ELAVL4: variants seen among roughly 807,000 people sequenced by gnomAD.
ELAVL4 encodes ELAV like RNA binding protein 4, also known as ELAV-like protein 4.
ELAVL4 carries 1 observed loss-of-function variant against 35.6 expected under a neutral mutation model. That is an observed-to-expected ratio of 0.03 (90% CI 0.01 to 0.13). The LOEUF (loss-of-function observed/expected upper bound fraction) is 0.13, where lower values mean the gene tolerates loss of function less well. Among genes scored for constraint, ELAVL4 ranks in the 10% least tolerant of loss-of-function variants. The probability of loss-of-function intolerance (pLI) is 1.00; values close to 1 mark genes in which losing one functional copy is unlikely to be tolerated. For missense variants in ELAVL4, 267 were observed against 464.9 expected, an observed-to-expected ratio of 0.57 and a Z score of 3.91; for synonymous variants, 156 against 171.0, an observed-to-expected ratio of 0.91 and a Z score of 0.69.
chr1:50,082,075 A>G (rs1572145208), intron 1 of ELAVL4, among the ~76,000 whole-genome samples: 1 of 151,618 alleles, frequency 6.6e-6, no homozygotes, highest in Admixed American at 6.6e-5. Flanking sequence ...TATCCAGTCT[A>G]TCATTGATGG....
chr1:50,074,753 G>A (rs749110759), intron 1 of ELAVL4, among the ~76,000 whole-genome samples: 4 of 152,180 alleles, frequency 2.6e-5, no homozygotes, highest in African/African-American at 9.7e-5. Context: ...AGGAAGGCAG[G>A]GGACAGTGGA....
At chr1:50,161,075 CG>C (rs2148757714) in intron 2 of ELAVL4, among the ~76,000 whole-genome samples, 1 of 152,246 alleles carries the variant, frequency 6.6e-6, no homozygotes, top group African/African-American at 2.4e-5. Flanking sequence ...GCTAAACCCT[CG>C]TGGTTAACAT....
chr1:50,082,282 T>G lies in ELAVL4; in HGVS notation c.18+34100T>G, dbSNP rs1665042646. 3.9e-5 allele frequency among the ~76,000 whole-genome samples: 6 copies of G among 152,202 alleles called. No homozygotes were observed. The South Asian group carries it at 1.2e-3, about 31-fold the overall frequency. ...TGTCTTCCACAGTGGTTGAACTAAT[T>G]TACACTCCTACCATCAGTGTAAAAG... On this transcript the variant is annotated intron_variant, in intron 1 of 6. Coordinates refer to the ELAVL4 transcript ENST00000448907.
At chr1:50,096,427 A>T (rs1202085194) in intron 1 of ELAVL4, among the ~76,000 whole-genome samples, 1 of 149,632 alleles carries the variant, frequency 6.7e-6, no homozygotes, top group Non-Finnish European at 1.5e-5. Flanking sequence ...AGGCATAAAG[A>T]CAAGTGTTGT....
At chr1:50,133,651 G>GAAAGAAAGAGAAAGAA (rs1386510703) in intron 1 of ELAVL4, among the ~76,000 whole-genome samples, 5 of 91,882 alleles carry the variant, frequency 5.4e-5, no homozygotes, top group African/African-American at 1.8e-4. Flanking sequence ...AAGAAAGAAA[G>GAAAGAAAGAGAAAGAA]AGAAAGAAAG....
intron 1 of ELAVL4, chr1:50,109,794 G>A (rs1220055308): frequency 1.1e-6 from 1 of 890,010 alleles, no homozygotes; most frequent in Non-Finnish European, 1.8e-6. Flanking sequence ...AAGAGGAGGC[G>A]GCTTGTATGT....
chr1:50,126,411 AAGTTAG>A (rs1434513134), intron 1 of ELAVL4, among the ~76,000 whole-genome samples: 1 of 152,020 alleles, frequency 6.6e-6, no homozygotes, highest in Non-Finnish European at 1.5e-5. Context: ...TTCTAGTAAT[AAGTTAG>A]AGTATTTACT....
intron 3 of ELAVL4, among the ~76,000 whole-genome samples, chr1:50,193,321 G>A (rs1265883148): frequency 1.3e-5 from 2 of 151,594 alleles, no homozygotes; most frequent in Non-Finnish European, 2.9e-5. Flanking sequence ...GATGGGGGTA[G>A]GGAGGGTGGC....
At chr1:50,173,279 TTG>T (rs1679368803) in intron 2 of ELAVL4, among the ~76,000 whole-genome samples, 1 of 152,182 alleles carries the variant, frequency 6.6e-6, no homozygotes, top group African/African-American at 2.4e-5. Context: ...CATTGTGTAT[TTG>T]TGTGTGTGCC....
At chr1:50,200,505 T>A (rs1441139764) in intron 6 of ELAVL4, among the ~76,000 whole-genome samples, 1 of 135,890 alleles carries the variant, frequency 7.4e-6, no homozygotes, top group African/African-American at 2.7e-5. Flanking sequence ...ATTGTTGGGG[T>A]GGGGTGGAGT....
At chr1:50,167,368 G>A (rs915785058) in intron 2 of ELAVL4, among the ~76,000 whole-genome samples, 3 of 152,182 alleles carry the variant, frequency 2.0e-5, no homozygotes, top group African/African-American at 7.2e-5. Flanking sequence ...TGGTGGATAA[G>A]GCATTCCGTG....
chr1:50,160,312 G>A (rs1401505590), intron 2 of ELAVL4, among the ~76,000 whole-genome samples: 1 of 152,118 alleles, frequency 6.6e-6, no homozygotes, highest in Non-Finnish European at 1.5e-5. Context: ...CTACCCTAAA[G>A]ACCTATTTCT....
At chr1:50,186,815 C>A (rs1253743145) in intron 3 of ELAVL4, among the ~76,000 whole-genome samples, 3 of 140,758 alleles carry the variant, frequency 2.1e-5, no homozygotes, top group African/African-American at 2.6e-5. Flanking sequence ...TCATTAGAAC[C>A]ATTTCCATGA....
At chr1:50,163,226 C>T (rs967162077) in intron 2 of ELAVL4, among the ~76,000 whole-genome samples, 4 of 152,164 alleles carry the variant, frequency 2.6e-5, no homozygotes, top group Non-Finnish European at 1.5e-5. Context: ...ATATCACATC[C>T]TCCAGAAAGC....
chr1:50,187,591 G>A (rs181189487), intron 3 of ELAVL4, among the ~76,000 whole-genome samples: 1 of 152,124 alleles, frequency 6.6e-6, no homozygotes, highest in Non-Finnish European at 1.5e-5. Flanking sequence ...CTCACTTTCA[G>A]TTAAAGTAAC....
intron 6 of ELAVL4, among the ~76,000 whole-genome samples, chr1:50,199,569 A>G (rs973918031): frequency 2.0e-5 from 3 of 152,072 alleles, no homozygotes; most frequent in Non-Finnish European, 2.9e-5. Context: ...TTAGTCAGGC[A>G]TGGTGGTGCG....
Position 50,201,389 on chromosome 1 carries a change from A to AC in ELAVL4, c.*211_*212insC. The AC allele has an allele frequency of 2.9e-5, 12 of 407,328 alleles. No individual in the cohort carries two copies. Among genetic ancestry groups the AC allele is most frequent in the East Asian group, 4.5e-5 (1 of 22,238 alleles). The allele number at this position is 407,328 out of a possible 1,614,324, so 25.2% of individuals were successfully genotyped here. ...AGGATTTTATAATGCTTAGAAAAAA[A>AC]GAAAAAAAAAAAACAAAAAATACCT... On this transcript the variant is annotated 3_prime_UTR_variant, in exon 7 of 7. Coordinates refer to ENST00000371824, the MANE Select transcript of ELAVL4 (RefSeq NM_001144774.3). The surrounding 1 kb of genome is among the most constrained non-coding windows in gnomAD (Gnocchi z 4.3).
In ELAVL4 at chr1:50,119,036, AAAAGAAAGAAAGAAAGAAAG is replaced by A. The variant is rs531184149; in HGVS notation, c.9+9878_9+9897del. Reference sequence around the variant, plus strand: ...AGAAAAGAAAGGAAAGAAAGAAAGAAAAAGAAAGAAAGAAAGAAAGAAAGAAAGAAAGAAAGAAAGAAAGA... The same window carrying A: ...AGAAAAGAAAGGAAAGAAAGAAAGAAAAAGAAAGAAAGAAAGAAAGAAAGA... On this transcript the variant is annotated intron_variant, in intron 1 of 6. Coordinates refer to ENST00000371824, the MANE Select transcript of ELAVL4 (RefSeq NM_001144774.3). Among the ~76,000 whole-genome samples the A allele has an allele frequency of 3.9e-3, 496 of 127,258 alleles. 9 individuals are homozygous for A. In the East Asian group the frequency reaches 0.057, roughly 15 times the overall value. 83.5% of individuals were successfully genotyped at this position (127,258 alleles called of 152,430 possible).
intron 3 of ELAVL4, among the ~76,000 whole-genome samples, chr1:50,189,686 C>A (rs1572602963): frequency 6.6e-6 from 1 of 152,062 alleles, no homozygotes; most frequent in East Asian, 1.9e-4. Flanking sequence ...CCCAGGCTGG[C>A]CCACAAAAGC....
Sources: allele counts gnomAD v4.1 joint callset (sites outside exome capture counted in the v4.1 genomes callset), GRCh38; gene constraint gnomAD v4.1.1; non-coding constraint Gnocchi (gnomAD v3.1); transcripts MANE v1.5; gene names NCBI Gene and HGNC (gene_info 2026-07-23, HGNC 2026-07-21).